The following FMNL3 variants were observed in gnomAD, a reference collection of about 807,000 sequenced individuals.
The protein encoded by FMNL3 is formin like 3.
FMNL3 carries 57 observed loss-of-function variants against 119.6 expected under a neutral mutation model. That is an observed-to-expected ratio of 0.48 (90% CI 0.39 to 0.59). FMNL3 has a LOEUF of 0.59. Among genes scored for constraint, FMNL3 ranks in the 20% least tolerant of loss-of-function variants. The pLI is 0.00. For synonymous variants in FMNL3, 491 were observed against 507.3 expected (o/e 0.97, Z 0.43); for missense variants, 1,053 against 1,323.5 (o/e 0.80, Z 3.17).
chr12:49,687,737 C>T (rs1312286584), intron 1 of FMNL3, among the ~76,000 whole-genome samples: 4 of 152,234 alleles, frequency 2.6e-5, no homozygotes, highest in South Asian at 2.1e-4. Context: ...AATGAATAAA[C>T]GAGTGATCAT....
In FMNL3 at chr12:49,650,723, T is replaced by C; in HGVS notation, c.1953A>G (p.Leu651=). 6.2e-7 allele frequency: 1 copy of C among 1,614,108 alleles called. No homozygotes were observed. The highest frequency in any genetic ancestry group is 8.5e-7 in the Non-Finnish European group (1 of 1,180,036). ...CCTCAGCCGAGCGGCCAGCCTTGCG[T>C]AGGGTGATGGCCAGGTTCTTGGCAC... is the stretch of plus-strand genomic sequence containing the variant. The part of the protein sequence containing the change: ...ANRAKNLAIT[L]RKAGRSAEEI... The change falls in exon 17 of 26, where the codon CTA becomes CTG. Residue 651 remains leucine (L), a synonymous_variant. Coordinates refer to ENST00000335154, the MANE Select transcript of FMNL3 (RefSeq NM_175736.5).
In FMNL3 at chr12:49,640,044, T is replaced by G. The variant is rs1275149149; in HGVS notation, c.*5771A>C. 1 of 152,156 alleles carries G rather than the reference T, an allele frequency of 6.6e-6. No homozygotes were observed. The highest frequency in any genetic ancestry group is 1.5e-5 in the Non-Finnish European group (1 of 68,022). 9.4% of individuals were successfully genotyped at this position (152,156 alleles called of 1,614,324 possible). A position where few individuals can be genotyped will look rare whatever the true frequency, so the allele number is the denominator to read the frequency against. ...CTCCACACAACCTGAGAAAGCAACT[T>G]TTTTAGACAGTTCCCTTCCTCTTTC... is the stretch of plus-strand genomic sequence containing the variant. On this transcript the variant is annotated 3_prime_UTR_variant, in exon 26 of 26. Coordinates refer to ENST00000335154, the MANE Select transcript of FMNL3 (RefSeq NM_175736.5).
chr12:49,687,096 C>CTTTTTT lies in FMNL3; in HGVS notation c.127-18548_127-18543dup, dbSNP rs35284603. 3.5e-5 allele frequency among the ~76,000 whole-genome samples: 5 copies of CTTTTTT among 142,352 alleles called. 1 individual carries two copies. Among genetic ancestry groups the CTTTTTT allele is most frequent in the African/African-American group, 1.0e-4 (4 of 38,760 alleles). 93.4% of individuals were successfully genotyped at this position (142,352 alleles called of 152,430 possible). ...TCTTATCTAAATATCTTCCCCATTC[C>CTTTTTT]TTTTTTTTTTTTTTTTGAGACGGAG... On this transcript the variant is annotated intron_variant, in intron 1 of 25. Coordinates refer to ENST00000335154, the MANE Select transcript of FMNL3 (RefSeq NM_175736.5).
intron 1 of FMNL3, among the ~76,000 whole-genome samples, chr12:49,693,269 G>C (rs1944654762): frequency 1.3e-5 from 2 of 152,182 alleles, no homozygotes; most frequent in African/African-American, 4.8e-5. Context: ...TGCAATACAA[G>C]CAAGAGCTGA....
Position 49,641,742 on chromosome 12 carries a change from C to G in FMNL3, c.*4073G>C, listed in dbSNP as rs1310037467. On this transcript the variant is annotated 3_prime_UTR_variant, in exon 26 of 26. Coordinates refer to ENST00000335154, the MANE Select transcript of FMNL3 (RefSeq NM_175736.5). ...AGGGTAGGCATGGGGGCTTAATTGT[C>G]AAGTGATGAGGACTTGGATAACTTG... is the stretch of plus-strand genomic sequence containing the variant. 1 of 607,954 alleles carries G rather than the reference C, an allele frequency of 1.6e-6. No individual in the cohort carries two copies. The highest frequency in any genetic ancestry group is 2.9e-6 in the Non-Finnish European group (1 of 343,114). 37.7% of individuals were successfully genotyped at this position (607,954 alleles called of 1,614,324 possible). A position where few individuals can be genotyped will look rare whatever the true frequency, so the allele number is the denominator to read the frequency against.
At position 49,649,960 on chromosome 12, in the gene FMNL3, A is replaced by G. The variant is rs760644924; in HGVS notation, c.2001-35T>C. ...AGGGAGGGACCACCTCAGTTCTCAC[A>G]TCTCTCCACGTTTTCCCTCATCCCT... On this transcript the variant is annotated intron_variant, in intron 17 of 25. Coordinates refer to ENST00000335154, the MANE Select transcript of FMNL3 (RefSeq NM_175736.5). The surrounding 1 kb of genome is among the most constrained non-coding windows in gnomAD (Gnocchi z 5.6). The G allele has an allele frequency of 2.6e-6, 4 of 1,562,504 alleles. No individual in the cohort carries two copies. In the South Asian group the frequency reaches 4.5e-5, roughly 18 times the overall value.
At position 49,649,203 on chromosome 12, in the gene FMNL3, G is replaced by T. The variant is rs1943313301; in HGVS notation, c.2386-45C>A. 2 of 1,612,834 alleles carry T rather than the reference G, an allele frequency of 1.2e-6. No homozygotes were observed. Among genetic ancestry groups the T allele is most frequent in the Non-Finnish European group, 1.7e-6 (2 of 1,179,318 alleles). ...CGGTGCACAAGAGCTAAGCACTCTG[G>T]CTCCACAACTGCTGCCCCCCAGGCT... On this transcript the variant is annotated intron_variant, in intron 20 of 25. Transcript: ENST00000335154. This position sits in a 1 kb window ranked among gnomAD's most constrained non-coding sequence, Gnocchi z 5.6.
At chr12:49,651,544 A>T (rs1943402050) in intron 14 of FMNL3, 94 bp from the exon 15 acceptor site, 18 of 269,094 alleles carry the variant, frequency 6.7e-5, no homozygotes, top group East Asian at 1.4e-4. Flanking sequence ...TCTGAGAGTT[A>T]AAAAAAAAAA....
At chr12:49,704,710 C>CAAAAAAA (rs59799899) in intron 1 of FMNL3, among the ~76,000 whole-genome samples, 43 of 37,846 alleles carry the variant, frequency 1.1e-3, no homozygotes, top group South Asian at 4.1e-3. Context: ...AACTCCATCT[C>CAAAAAAA]AAAAAAAAAA....
rs1942892714 is a variant in FMNL3 at position 49,643,149 on chromosome 12, T to G, written c.*2666A>C. On this transcript the variant is annotated 3_prime_UTR_variant, in exon 26 of 26. Coordinates refer to ENST00000335154, the MANE Select transcript of FMNL3 (RefSeq NM_175736.5). ...CCTTTGGCCCTGGGTCCTCCTCCTC[T>G]CTCGAATTCCCAGACGAGGGCTTCT... 2 of 1,595,314 alleles carry G rather than the reference T, an allele frequency of 1.3e-6. No individual in the cohort carries two copies. Among genetic ancestry groups the G allele is most frequent in the African/African-American group, 2.7e-5 (2 of 74,470 alleles).
In FMNL3 at chr12:49,649,437, C is replaced by A; in HGVS notation, c.2304+33G>T. 1.2e-6 allele frequency: 2 copies of A among 1,613,800 alleles called. No homozygotes were observed. Among genetic ancestry groups the A allele is most frequent in the Non-Finnish European group, 1.7e-6 (2 of 1,179,952 alleles). On this transcript the variant is annotated intron_variant, in intron 19 of 25. Coordinates refer to ENST00000335154, the MANE Select transcript of FMNL3 (RefSeq NM_175736.5). This position sits in a 1 kb window ranked among gnomAD's most constrained non-coding sequence, Gnocchi z 5.6. ...CAGGCCCCCACCTAGGACCTGAAAA[C>A]CCCCAGCACCCCTGTTCACAACCTC...
rs751443908 is a variant in FMNL3, at chr12:49,647,388, G to C, written c.2779-20C>G. The C allele has an allele frequency of 1.6e-5, 26 of 1,608,610 alleles. No individual in the cohort carries two copies. Among genetic ancestry groups the C allele is most frequent in the Middle Eastern group, 1.7e-4 (1 of 6,058 alleles). ...TGCTTCCTAAGAGCCATGGAAGATG[G>C]GGGGTGGGGAGTGAGGCTCATAGGC... On this transcript the variant is annotated intron_variant, in intron 23 of 25. Coordinates refer to ENST00000335154, the MANE Select transcript of FMNL3 (RefSeq NM_175736.5). The surrounding 1 kb of genome is among the most constrained non-coding windows in gnomAD (Gnocchi z 4.9).
intron 25 of FMNL3, 114 bp from the exon 26 acceptor site, chr12:49,646,017 C>G: frequency 1.2e-6 from 1 of 851,430 alleles, no homozygotes; most frequent in Non-Finnish European, 1.8e-6. Flanking sequence ...GGCAGATAAA[C>G]AGGAGGCTTA....
In FMNL3 at chr12:49,645,614, A is replaced by C. The variant is rs138670044; in HGVS notation, c.*201T>G. On this transcript the variant is annotated 3_prime_UTR_variant, in exon 26 of 26. Transcript: ENST00000335154. ...AAATGAAGTCAAAGACCTTGGGGGC[A>C]AAGTGCAGTACTGGAAGCACCAGGG... 58 of 523,236 alleles carry C rather than the reference A, an allele frequency of 1.1e-4. 1 individual carries two copies. In the East Asian group the frequency reaches 2.0e-3, roughly 18 times the overall value. 32.4% of individuals were successfully genotyped at this position (523,236 alleles called of 1,614,324 possible).
Position 49,653,686 on chromosome 12 carries a change from A to G in FMNL3, c.1221+39T>C, listed in dbSNP as rs778945806. 6 of 1,611,670 alleles carry G rather than the reference A, an allele frequency of 3.7e-6. No individual in the cohort carries two copies. The South Asian group carries it at 6.6e-5, about 18-fold the overall frequency. Reference sequence around the variant, plus strand: ...AGGATTCCTGGTTACTTGAGCTTCCATCAACAGTGGCTCTGGCAGGCAAAG... The same window carrying G: ...AGGATTCCTGGTTACTTGAGCTTCCGTCAACAGTGGCTCTGGCAGGCAAAG... On this transcript the variant is annotated intron_variant, in intron 12 of 25. Coordinates refer to ENST00000335154, the MANE Select transcript of FMNL3 (RefSeq NM_175736.5).
chr12:49,646,804 G>A lies in FMNL3; in HGVS notation c.2995+82C>T, dbSNP rs1268317085. The A allele has an allele frequency of 1.9e-6, 3 of 1,605,610 alleles. No individual in the cohort carries two copies. In the South Asian group the frequency reaches 3.3e-5, roughly 18 times the overall value. ...GGTCAGGCCTCATGGGGGGTGGGGT[G>A]GGAGGAGAGCCCAAAGGGGTTAGGT... is the stretch of plus-strand genomic sequence containing the variant. On this transcript the variant is annotated intron_variant, in intron 25 of 25. Coordinates refer to ENST00000335154, the MANE Select transcript of FMNL3 (RefSeq NM_175736.5).
intron 1 of FMNL3, among the ~76,000 whole-genome samples, chr12:49,685,631 C>T (rs747099063): frequency 1.1e-4 from 16 of 152,172 alleles, no homozygotes; most frequent in African/African-American, 3.4e-4. Context: ...GTGACTAGTA[C>T]GTGCTGTTCA....
rs887625724 is a variant in FMNL3 at position 49,639,328 on chromosome 12, C to T, written c.*6487G>A. 3 of 152,190 alleles carry T rather than the reference C, an allele frequency of 2.0e-5. No homozygotes were observed. Among genetic ancestry groups the T allele is most frequent in the African/African-American group, 4.8e-5 (2 of 41,430 alleles). 9.4% of individuals were successfully genotyped at this position (152,190 alleles called of 1,614,324 possible). On this transcript the variant is annotated 3_prime_UTR_variant, in exon 26 of 26. Transcript: ENST00000335154. ...TTTCACTTATCCCCAGACCTCTCTC[C>T]TACTGTTGGGGCTACTTGGTACAAA...
At chr12:49,653,111 G>A in intron 13 of FMNL3, 115 bp downstream of exon 13, 4 of 969,022 alleles carry the variant, frequency 4.1e-6, no homozygotes, top group East Asian at 4.8e-5. Flanking sequence ...TACCTCAAGG[G>A]TGAATCAAGA....
Sources: gnomAD v4.1 joint callset for allele counts (sites outside exome capture counted in the v4.1 genomes callset) on GRCh38, gnomAD v4.1.1 for gene constraint, Gnocchi (gnomAD v3.1) non-coding constraint, MANE v1.5 for transcripts, NCBI Gene and HGNC (gene_info 2026-07-23, HGNC 2026-07-21) for gene names.